Variants in CARD9 observed in about 807,000 individuals in gnomAD.
The protein encoded by CARD9 is caspase recruitment domain family member 9, also known as caspase recruitment domain-containing protein 9.
In CARD9, 53 loss-of-function variants were observed where a neutral mutation model predicts 66.0. The observed-to-expected ratio is 0.80, with a 90% CI of 0.64 to 1.01. The LOEUF (loss-of-function observed/expected upper bound fraction) is 1.01, where lower values mean the gene tolerates loss of function less well. Ranked by LOEUF, CARD9 falls within the 50% of genes least tolerant of loss-of-function variation. The pLI is 0.00. For missense variants in CARD9, 769 were observed against 743.2 expected (o/e 1.03, Z -0.40); for synonymous variants, 387 against 313.8 (o/e 1.23, Z -2.47).
chr9:136,371,517 GGTGGGTGGGCCT>G, intron 2 of CARD9, 56 bp from the exon 3 acceptor site: 1 of 1,500,462 alleles, frequency 6.7e-7, no homozygotes, highest in Non-Finnish European at 9.0e-7. Flanking sequence ...AGAGGGCTGG[GGTGGGTGGGCCT>G]GGGGGCAGGG....
chr9:136,368,035 C>T, intron 7 of CARD9: 2 of 1,414,632 alleles, frequency 1.4e-6, no homozygotes, highest in South Asian at 1.6e-5. Flanking sequence ...CCCTGCTGCC[C>T]TTCTGTCTCC....
chr9:136,373,413 A>AGGCTGCCT (rs1443578614), intron 1 of CARD9, 119 bp downstream of exon 1: 5 of 793,172 alleles, frequency 6.3e-6, no homozygotes, highest in African/African-American at 3.8e-5. Context: ...CGCATGGCGG[A>AGGCTGCCT]GGCTGCCTGG....
At chr9:136,365,699 C>T (rs912651931) in intron 10 of CARD9, 8 of 176,790 alleles carry the variant, frequency 4.5e-5, no homozygotes, top group Admixed American at 1.2e-4. Context: ...CCTCAGAAAC[C>T]GCCAGGACCT....
rs1308289928 is a variant in CARD9, at chr9:136,367,201, T to TG, written c.1311+14dup. On this transcript the variant is annotated intron_variant, in intron 9 of 12. Coordinates refer to ENST00000371732, the MANE Select transcript of CARD9 (RefSeq NM_052813.5). ...GAAGGAAGGCCAGCCTCGTGCTGGC[T>TG]GGGGTCTCACTCACCTCCTGGGACC... 2 of 1,611,766 alleles carry TG rather than the reference T, an allele frequency of 1.2e-6. No individual in the cohort carries two copies. Among genetic ancestry groups the TG allele is most frequent in the Admixed American group, 1.7e-5 (1 of 59,866 alleles).
At chr9:136,366,611 C>G (rs1833129910) in intron 10 of CARD9, 189 bp downstream of exon 10, 2 of 657,082 alleles carry the variant, frequency 3.0e-6, no homozygotes, top group Admixed American at 2.4e-5. Flanking sequence ...TGGGTTCCAG[C>G]TGGGCTCTGT....
intron 11 of CARD9, 97 bp downstream of exon 11, chr9:136,365,043 GC>G: frequency 8.4e-7 from 1 of 1,195,826 alleles, no homozygotes; most frequent in Non-Finnish European, 1.2e-6. Context: ...TGTCGTCGGG[GC>G]CACCGCAGGG....
intron 6 of CARD9, 182 bp from the exon 7 acceptor site, chr9:136,370,057 C>T: frequency 7.1e-7 from 1 of 1,408,054 alleles, no homozygotes; most frequent in Non-Finnish European, 9.4e-7. Context: ...ACAGGGCCCT[C>T]CGGCAGGCCT....
At chr9:136,368,190 C>T (rs1361763548) in intron 7 of CARD9, among the ~76,000 whole-genome samples, 2 of 152,232 alleles carry the variant, frequency 1.3e-5, no homozygotes, top group Non-Finnish European at 2.9e-5. Flanking sequence ...TCTTTACCAC[C>T]CCTGTCCTCA....
intron 6 of CARD9, 94 bp from the exon 7 acceptor site, chr9:136,369,969 C>A: frequency 1.3e-6 from 2 of 1,582,382 alleles, no homozygotes; most frequent in South Asian, 2.2e-5. Context: ...AGCATGTGGT[C>A]AGGCCAGTTG....
At chr9:136,367,314 C>T in intron 8 of CARD9, 57 bp from the exon 9 acceptor site, 2 of 1,572,596 alleles carry the variant, frequency 1.3e-6, no homozygotes, top group South Asian at 1.1e-5. Flanking sequence ...TCCCCAGGCA[C>T]AGGGTGGGCA....
intron 3 of CARD9, 55 bp downstream of exon 3, chr9:136,371,269 C>T: frequency 6.3e-7 from 1 of 1,575,054 alleles, no homozygotes; most frequent in Admixed American, 1.8e-5. Context: ...CCCAACACCA[C>T]TGCCCGCTCC....
chr9:136,370,702 C>T lies in CARD9; in HGVS notation c.628-1G>A. On this transcript the variant is annotated splice_acceptor_variant, in intron 4 of 12. Coordinates refer to ENST00000371732, the MANE Select transcript of CARD9 (RefSeq NM_052813.5). LOFTEE classifies it high-confidence loss of function. ...TGAGGCTGTGCTTGAGCTGGTCAAT[C>T]TGCAGAAGGTCCAGTGAGCCTGGCT... 1 of 1,612,710 alleles carries T rather than the reference C, an allele frequency of 6.2e-7. No individual in the cohort carries two copies. Among genetic ancestry groups the T allele is most frequent in the Non-Finnish European group, 8.5e-7 (1 of 1,179,864 alleles).
chr9:136,368,538 C>T (rs1287604679), intron 7 of CARD9, among the ~76,000 whole-genome samples: 2 of 152,232 alleles, frequency 1.3e-5, no homozygotes, highest in East Asian at 1.9e-4. Flanking sequence ...CCAGGGGTCT[C>T]GTTTTAAGGC....
intron 8 of CARD9, 83 bp downstream of exon 8, chr9:136,367,554 A>T: frequency 6.8e-7 from 1 of 1,461,916 alleles, no homozygotes; most frequent in Middle Eastern, 1.7e-4. Flanking sequence ...TTGGGTCGGG[A>T]AGGCCGGGGC....
chr9:136,368,384 C>A (rs564277910), intron 7 of CARD9, among the ~76,000 whole-genome samples: 1 of 152,258 alleles, frequency 6.6e-6, no homozygotes, highest in African/African-American at 2.4e-5. Flanking sequence ...CTGGGAGCCA[C>A]ACCAACCCCC....
In CARD9 at chr9:136,371,437, C is replaced by T. The variant is rs376793464; in HGVS notation, c.209G>A (p.Arg70Gln). 5.1e-5 allele frequency: 80 copies of T among 1,580,160 alleles called. No homozygotes were observed. Among genetic ancestry groups the T allele is most frequent in the Admixed American group, 1.3e-4 (7 of 55,812 alleles). ...KVGVLLDILQ[R>Q]TGHKGYVAFL... ...GGCCACGTAGCCCTTGTGGCCGGTC[C>T]GCTGCAGGATGTCCAGGAGCACACC... The change falls in exon 3 of 13, where the codon CGG becomes CAG. Residue 70 changes from arginine to glutamine, a missense_variant. Arg to Gln is a conservative substitution (Grantham distance 43). Transcript: ENST00000371732.
Position 136,364,383 on chromosome 9 carries a change from C to G in CARD9, c.1530G>C (p.Lys510Asn). The change falls in exon 13 of 13, where the codon AAG becomes AAC. Residue 510 changes from lysine to asparagine, a missense_variant. Lys to Asn is a moderately conservative substitution (Grantham distance 94). Coordinates refer to ENST00000371732, the MANE Select transcript of CARD9 (RefSeq NM_052813.5). ...ENYRRKRALRKMQKGWRQGEE... is the reference protein window; with the variant it reads ...ENYRRKRALRNMQKGWRQGEE... ...CCCCCTGCCGCCATCCTTTCTGCAT[C>G]TTCCTGAGGGCGCGCTTCCTGTGAA... The G allele has an allele frequency of 6.4e-7, 1 of 1,561,912 alleles. No individual in the cohort carries two copies. The highest frequency in any genetic ancestry group is 1.9e-5 in the Admixed American group (1 of 53,224).
In CARD9 at chr9:136,366,834, G is replaced by A. The variant is rs765863810; in HGVS notation, c.1323C>T (p.Pro441=). The A allele has an allele frequency of 1.9e-6, 3 of 1,613,018 alleles. No individual in the cohort carries two copies. Among genetic ancestry groups the A allele is most frequent in the Non-Finnish European group, 2.5e-6 (3 of 1,179,934 alleles). The stretch of plus-strand genomic sequence containing the variant: ...AGAGCTGGGTGTCCTCCAGGTCCTG[G>A]GGGAGTGAGAGCTTCCAAAGAGAGT... ...SPRRSQELSL[P]QDLEDTQLSD... is the part of the protein sequence containing the mutation. The change falls in exon 10 of 13, where the codon CCC becomes CCT. Residue 441 remains proline, a synonymous_variant. Coordinates refer to ENST00000371732, the MANE Select transcript of CARD9 (RefSeq NM_052813.5).
In CARD9 at chr9:136,364,476, C is replaced by T. The variant is rs1437596331; in HGVS notation, c.1511+7G>A. On this transcript the variant is annotated splice_region_variant and intron_variant, in intron 12 of 12. Coordinates refer to ENST00000371732, the MANE Select transcript of CARD9 (RefSeq NM_052813.5). ...GTTTTGGAGAAGCCTGGGGGCCGCC[C>T]GCCTACCTGCGGTAGTTCTCAAAAC... is the stretch of plus-strand genomic sequence containing the variant. 3.2e-6 allele frequency: 5 copies of T among 1,540,144 alleles called. No individual in the cohort carries two copies. Among genetic ancestry groups the T allele is most frequent in the Admixed American group, 2.0e-5 (1 of 51,012 alleles).
Sources: allele counts gnomAD v4.1 joint callset (sites outside exome capture counted in the v4.1 genomes callset), GRCh38; gene constraint gnomAD v4.1.1; transcripts MANE v1.5; gene names NCBI Gene and HGNC (gene_info 2026-07-23, HGNC 2026-07-21).